ARFIP1: variants seen among roughly 807,000 people sequenced by gnomAD.
ARFIP1 encodes the protein arfaptin-1.
ARFIP1 carries 24 observed loss-of-function variants against 42.5 expected under a neutral mutation model. The ratio of observed to expected loss-of-function variants is 0.57; its 90% CI spans 0.41 to 0.80. ARFIP1 has a LOEUF of 0.80. ARFIP1 is among the 30% of genes least tolerant of loss of function. The pLI, the probability that ARFIP1 is intolerant of heterozygous loss-of-function variation, is 0.00. For missense variants in ARFIP1, 354 were observed against 434.0 expected (o/e 0.82, Z 1.64); for synonymous variants, 141 against 153.7 (o/e 0.92, Z 0.61).
chr4:152,865,586 TG>T (rs1231548250), intron 3 of ARFIP1, among the ~76,000 whole-genome samples: 1 of 152,236 alleles, frequency 6.6e-6, no homozygotes, highest in Non-Finnish European at 1.5e-5. Context: ...GTGAAATGAA[TG>T]GACTGTCTAC....
At chr4:152,827,085 AGATT>A (rs1561125952) in intron 1 of ARFIP1, among the ~76,000 whole-genome samples, 1 of 152,140 alleles carries the variant, frequency 6.6e-6, no homozygotes, top group East Asian at 1.9e-4. Flanking sequence ...AAAGTTTTGG[AGATT>A]GATTGCATAA....
intron 1 of ARFIP1, among the ~76,000 whole-genome samples, chr4:152,783,812 A>G (rs550956987): frequency 2.0e-5 from 3 of 152,094 alleles, no homozygotes; most frequent in South Asian, 2.1e-4. Flanking sequence ...GGGGTTTCCT[A>G]TGGGGATGGA....
chr4:152,796,975 CTA>C (rs1731509221), intron 1 of ARFIP1: 2 of 233,160 alleles, frequency 8.6e-6, no homozygotes, highest in African/African-American at 4.6e-5. Context: ...TTTGCATGTA[CTA>C]TGTGTGTTGT....
At chr4:152,877,888 C>T (rs552252821) in intron 5 of ARFIP1, among the ~76,000 whole-genome samples, 2 of 152,296 alleles carry the variant, frequency 1.3e-5, no homozygotes, top group South Asian at 4.1e-4. Flanking sequence ...CCTTTTGCCT[C>T]CCGCTATGAT....
intron 1 of ARFIP1, among the ~76,000 whole-genome samples, chr4:152,806,053 G>C (rs1016362028): frequency 6.6e-6 from 1 of 152,190 alleles, no homozygotes; most frequent in Non-Finnish European, 1.5e-5. Context: ...AACCAGTTAT[G>C]CCTGTATTGC....
Position 152,791,976 on chromosome 4 carries a change from A to G in ARFIP1, c.-10+11750A>G, listed in dbSNP as rs1015003044. ...TGGTAAAGAAAAAACTGATCTTACC[A>G]TTCTGTTCCTGTTTATCCATGAATG... is the stretch of plus-strand genomic sequence containing the variant. On this transcript the variant is annotated intron_variant, in intron 1 of 8. Transcript: ENST00000353617. Among the ~76,000 whole-genome samples the G allele has an allele frequency of 2.0e-5, 3 of 152,304 alleles. No individual in the cohort carries two copies. In the South Asian group the frequency reaches 6.2e-4, roughly 32 times the overall value.
At chr4:152,884,790 C>T (rs1736132941) in intron 7 of ARFIP1, among the ~76,000 whole-genome samples, 2 of 152,162 alleles carry the variant, frequency 1.3e-5, no homozygotes, top group South Asian at 2.1e-4. Context: ...CACATTTTAT[C>T]AGTAGGCCTT....
chr4:152,799,714 G>C (rs1271584516), intron 1 of ARFIP1, among the ~76,000 whole-genome samples: 1 of 151,984 alleles, frequency 6.6e-6, no homozygotes, highest in Non-Finnish European at 1.5e-5. Context: ...GATTTTTTAA[G>C]ATCAGATCTC....
chr4:152,847,124 C>CTTT (rs771661005), intron 2 of ARFIP1, among the ~76,000 whole-genome samples: 727 of 40,516 alleles, frequency 0.018, 173 homozygotes, highest in African/African-American at 0.063. Context: ...TAGGTTTGTT[C>CTTT]TTTTTTTTTT....
intron 8 of ARFIP1, among the ~76,000 whole-genome samples, chr4:152,900,580 C>T (rs1737745271): frequency 6.6e-6 from 1 of 152,160 alleles, no homozygotes; most frequent in Admixed American, 6.5e-5. Flanking sequence ...TTCTCTTTCT[C>T]AAACAGTAGT....
In ARFIP1 at chr4:152,908,561, G is replaced by T. The variant is rs1017927505; in HGVS notation, c.967-1503G>T. 8.6e-5 allele frequency among the ~76,000 whole-genome samples: 13 copies of T among 151,770 alleles called. No individual in the cohort carries two copies. The South Asian group carries it at 2.7e-3, about 31-fold the overall frequency. On this transcript the variant is annotated intron_variant, in intron 8 of 8. Coordinates refer to ENST00000353617, the MANE Select transcript of ARFIP1 (RefSeq NM_001025595.3). ...GGAGGCAGAGGTTGCAGTGAGCTGAGATGGCGCCACTGCACTCCAGCCTGG... is the reference window on the plus strand; with the variant it reads ...GGAGGCAGAGGTTGCAGTGAGCTGATATGGCGCCACTGCACTCCAGCCTGG...
chr4:152,884,675 TTTATAA>T (rs1452771094), intron 7 of ARFIP1, among the ~76,000 whole-genome samples: 1 of 152,034 alleles, frequency 6.6e-6, no homozygotes, highest in East Asian at 1.9e-4. Context: ...TTCTAAACAG[TTTATAA>T]TTAATTTGTA....
chr4:152,882,815 G>A lies in ARFIP1; in HGVS notation c.726G>A (p.Val242=). The change falls in exon 7 of 9, where the codon GTG becomes GTA. Residue 242 remains valine (V), a synonymous_variant. Coordinates refer to ENST00000353617, the MANE Select transcript of ARFIP1 (RefSeq NM_001025595.3). ...CCATTAATTTTTTCATTGCTAGTGTGAACACTTTGGTGAATAAAACCATTG... is the reference window on the plus strand; with the variant it reads ...CCATTAATTTTTTCATTGCTAGTGTAAACACTTTGGTGAATAAAACCATTG... ...LGAINFFIAS[V]NTLVNKTIED... The A allele has an allele frequency of 6.2e-7, 1 of 1,611,782 alleles. No individual in the cohort carries two copies. Among genetic ancestry groups the A allele is most frequent in the Admixed American group, 1.7e-5 (1 of 59,590 alleles).
chr4:152,790,121 A>G (rs1379370895), intron 1 of ARFIP1, among the ~76,000 whole-genome samples: 2 of 152,150 alleles, frequency 1.3e-5, no homozygotes, highest in East Asian at 3.8e-4. Flanking sequence ...ATATGTAACT[A>G]TATATATGTT....
chr4:152,814,097 C>CTTTTTTTTTTTTTTTTT (rs67593845), intron 1 of ARFIP1, among the ~76,000 whole-genome samples: 3 of 110,882 alleles, frequency 2.7e-5, no homozygotes, highest in Admixed American at 9.3e-5. Flanking sequence ...TCTTCTTCTT[C>CTTTTTTTTTTTTTTTTT]TTTTTTTTTT....
At chr4:152,886,306 C>A (rs1445962102) in intron 7 of ARFIP1, among the ~76,000 whole-genome samples, 1 of 152,000 alleles carries the variant, frequency 6.6e-6, no homozygotes, top group African/African-American at 2.4e-5. Flanking sequence ...TCAGTGGCTT[C>A]CCATTACTTC....
At chr4:152,897,665 A>T (rs1459803798) in intron 8 of ARFIP1, among the ~76,000 whole-genome samples, 1 of 152,180 alleles carries the variant, frequency 6.6e-6, no homozygotes, top group East Asian at 1.9e-4. Context: ...CTAATGGTTG[A>T]TATACATGTG....
chr4:152,806,512 A>G (rs918833851), intron 1 of ARFIP1, among the ~76,000 whole-genome samples: 7 of 152,118 alleles, frequency 4.6e-5, no homozygotes, highest in African/African-American at 1.7e-4. Flanking sequence ...CCTTTTTTTC[A>G]AAATCAACAG....
chr4:152,785,083 C>T (rs1185146039), intron 1 of ARFIP1, among the ~76,000 whole-genome samples: 1 of 152,154 alleles, frequency 6.6e-6, no homozygotes, highest in African/African-American at 2.4e-5. Flanking sequence ...GTATGGCAGA[C>T]TAGAGCCAGG....
Sources: allele counts gnomAD v4.1 joint callset (sites outside exome capture counted in the v4.1 genomes callset), GRCh38; gene constraint gnomAD v4.1.1; transcripts MANE v1.5; gene names NCBI Gene and HGNC (gene_info 2026-07-23, HGNC 2026-07-21).